The following VSTM4 variants were observed in gnomAD, a reference collection of about 807,000 sequenced individuals.
The protein encoded by VSTM4 is V-set and transmembrane domain containing 4.
VSTM4 carries 20 observed loss-of-function variants against 36.4 expected under a neutral mutation model. The observed-to-expected ratio is 0.55, with a 90% CI of 0.39 to 0.80. The LOEUF (loss-of-function observed/expected upper bound fraction) is 0.80, where lower values mean the gene tolerates loss of function less well. VSTM4 is among the 30% of genes least tolerant of loss of function. The pLI is 0.00. For missense variants in VSTM4, 392 were observed against 404.5 expected (o/e 0.97, Z 0.26); for synonymous variants, 182 against 173.9 (o/e 1.05, Z -0.37).
At chr10:49,093,195 G>A (rs1844509577) in intron 2 of VSTM4, among the ~76,000 whole-genome samples, 1 of 152,150 alleles carries the variant, frequency 6.6e-6, no homozygotes, top group African/African-American at 2.4e-5. Flanking sequence ...AAATAAGAGA[G>A]CACCCCATAA....
chr10:49,029,174 A>C (rs1193037146), intron 7 of VSTM4, among the ~76,000 whole-genome samples: 1 of 152,234 alleles, frequency 6.6e-6, no homozygotes, highest in Admixed American at 6.5e-5. Context: ...TGTGAAGCTT[A>C]TCAGTCCTAC....
At chr10:49,103,843 C>G in intron 2 of VSTM4, 2 of 1,614,022 alleles carry the variant, frequency 1.2e-6, no homozygotes, top group Non-Finnish European at 1.7e-6. Context: ...CCCCTCTCCA[C>G]TGGATGGCTG....
intron 2 of VSTM4, among the ~76,000 whole-genome samples, chr10:49,095,777 T>C (rs1844560008): frequency 6.6e-6 from 1 of 151,222 alleles, no homozygotes; most frequent in Non-Finnish European, 1.5e-5. Context: ...CCATAACGTC[T>C]ATTAAATCTA....
At chr10:49,020,418 A>G (rs1265996238) in intron 7 of VSTM4, among the ~76,000 whole-genome samples, 1 of 152,140 alleles carries the variant, frequency 6.6e-6, no homozygotes, top group African/African-American at 2.4e-5. Context: ...AACTTCATAG[A>G]AATAAACCCA....
chr10:49,039,901 CA>C (rs1843493487), intron 7 of VSTM4, among the ~76,000 whole-genome samples: 1 of 152,198 alleles, frequency 6.6e-6, no homozygotes, highest in African/African-American at 2.4e-5. Context: ...AAAAATAAAT[CA>C]AATGTACTTC....
At chr10:49,049,451 C>T (rs556785648) in intron 5 of VSTM4, among the ~76,000 whole-genome samples, 2 of 152,296 alleles carry the variant, frequency 1.3e-5, no homozygotes, top group African/African-American at 2.4e-5. Context: ...CGCAAACTTT[C>T]TTGAATGACC....
At position 49,019,417 on chromosome 10, in the gene VSTM4, G is replaced by A. The variant is rs1469654391; in HGVS notation, c.*233C>T. 1.0e-5 allele frequency: 4 copies of A among 388,314 alleles called. No individual in the cohort carries two copies. The highest frequency in any genetic ancestry group is 1.7e-5 in the Non-Finnish European group (4 of 235,214). 24.1% of individuals were successfully genotyped at this position (388,314 alleles called of 1,614,324 possible). A position where few individuals can be genotyped will look rare whatever the true frequency, so the allele number is the denominator to read the frequency against. On this transcript the variant is annotated 3_prime_UTR_variant, in exon 8 of 8. Coordinates refer to ENST00000332853, the MANE Select transcript of VSTM4 (RefSeq NM_001031746.5). ...TCAGGATCAGAATCCTTACGCTCAG[G>A]GCTCAAACCCAGGCGCATCTTGTCC...
intron 3 of VSTM4, among the ~76,000 whole-genome samples, chr10:49,084,347 T>C (rs1194640649): frequency 1.3e-5 from 2 of 152,224 alleles, no homozygotes; most frequent in Admixed American, 1.3e-4. Context: ...TGGATTCTCA[T>C]GAGTGCAATC....
At chr10:49,076,458 G>A (rs1844180123) in intron 4 of VSTM4, among the ~76,000 whole-genome samples, 2 of 152,304 alleles carry the variant, frequency 1.3e-5, no homozygotes, top group South Asian at 4.1e-4. Flanking sequence ...CATTTCCAGA[G>A]CTCGGCTCTT....
chr10:49,094,023 A>C (rs1844526864), intron 2 of VSTM4, among the ~76,000 whole-genome samples: 1 of 152,202 alleles, frequency 6.6e-6, no homozygotes, highest in Non-Finnish European at 1.5e-5. Flanking sequence ...CTGGGATTAC[A>C]GGCGTTAGCC....
In VSTM4 at chr10:49,019,469, C is replaced by A; in HGVS notation, c.*181G>T. On this transcript the variant is annotated 3_prime_UTR_variant, in exon 8 of 8. Transcript: ENST00000332853. The stretch of plus-strand genomic sequence containing the variant: ...GGGAGATCTGTCAAGAGCTGTGGCC[C>A]CGATTCTTTTGGGGAGAGCAGGCTT... 1.4e-6 allele frequency: 1 copy of A among 731,392 alleles called. No homozygotes were observed. Among genetic ancestry groups the A allele is most frequent in the South Asian group, 5.0e-5 (1 of 19,954 alleles). The allele number at this position is 731,392 out of a possible 1,614,324, so 45.3% of individuals were successfully genotyped here.
At chr10:49,072,409 C>A (rs1844095567) in intron 4 of VSTM4, among the ~76,000 whole-genome samples, 1 of 152,154 alleles carries the variant, frequency 6.6e-6, no homozygotes. Flanking sequence ...CGCAGTTATG[C>A]CCCAGCCACC....
chr10:49,047,017 G>A lies in VSTM4; in HGVS notation c.803C>T (p.Pro268Leu), dbSNP rs746887862. 19 of 1,613,990 alleles carry A rather than the reference G, an allele frequency of 1.2e-5. No homozygotes were observed. Among genetic ancestry groups the A allele is most frequent in the Admixed American group, 3.3e-5 (2 of 60,008 alleles). Reference sequence around the variant, plus strand: ...TTTTCTCTGTGGTTTCAGCAGCTTCGGTTTATGGAACGTGGGGGCTATCGG... The same window carrying A: ...TTTTCTCTGTGGTTTCAGCAGCTTCAGTTTATGGAACGTGGGGGCTATCGG... The part of the protein sequence containing the change: ...KAPIAPTFHK[P>L]KLLKPQRKVT... Residue 268 changes from proline to leucine, a missense_variant, in exon 7 of 8, where the codon CCG (proline) becomes CTG (leucine). Pro to Leu is a moderately conservative substitution (Grantham distance 98). Coordinates refer to ENST00000332853, the MANE Select transcript of VSTM4 (RefSeq NM_001031746.5).
chr10:49,035,439 A>T (rs1023028289), intron 7 of VSTM4, among the ~76,000 whole-genome samples: 1 of 152,170 alleles, frequency 6.6e-6, no homozygotes, highest in Non-Finnish European at 1.5e-5. Context: ...CCCTTCTAGA[A>T]CAAAGTGGGG....
intron 2 of VSTM4, among the ~76,000 whole-genome samples, chr10:49,104,189 C>T (rs573158198): frequency 6.6e-6 from 1 of 152,254 alleles, no homozygotes; most frequent in Admixed American, 6.5e-5. Context: ...ATCCCAGCTA[C>T]TCAGGAGACT....
intron 2 of VSTM4, among the ~76,000 whole-genome samples, chr10:49,096,841 C>T (rs1564593345): frequency 6.6e-6 from 1 of 151,914 alleles, no homozygotes. Flanking sequence ...TTTTAGTAGA[C>T]ACGGGGTTTC....
In VSTM4 at chr10:49,015,810, C is replaced by T. The variant is rs1038363901; in HGVS notation, c.*3840G>A. ...GCTTTAGGCTGACACAAAAAGACTC[C>T]CTCCAGCATGCAAGTGGCATGGCTC... On this transcript the variant is annotated 3_prime_UTR_variant, in exon 8 of 8. Coordinates refer to ENST00000332853, the MANE Select transcript of VSTM4 (RefSeq NM_001031746.5). 3 of 152,252 alleles carry T rather than the reference C, an allele frequency of 2.0e-5. No individual in the cohort carries two copies. Among genetic ancestry groups the T allele is most frequent in the Non-Finnish European group, 2.9e-5 (2 of 68,068 alleles). The allele number at this position is 152,252 out of a possible 1,614,324, so 9.4% of individuals were successfully genotyped here. A position where few individuals can be genotyped will look rare whatever the true frequency, so the allele number is the denominator to read the frequency against.
At chr10:49,086,723 T>C (rs1249286415) in intron 2 of VSTM4, among the ~76,000 whole-genome samples, 2 of 152,240 alleles carry the variant, frequency 1.3e-5, no homozygotes, top group African/African-American at 2.4e-5. Context: ...AATGAGATTA[T>C]TGTTCAATAG....
intron 7 of VSTM4, among the ~76,000 whole-genome samples, chr10:49,039,854 T>C (rs996335383): frequency 5.9e-5 from 9 of 152,262 alleles, no homozygotes; most frequent in African/African-American, 1.7e-4. Flanking sequence ...AAAGTTCCGC[T>C]ACTTGGCCTC....
Sources: allele counts gnomAD v4.1 joint callset (sites outside exome capture counted in the v4.1 genomes callset), GRCh38; gene constraint gnomAD v4.1.1; transcripts MANE v1.5; gene names NCBI Gene and HGNC (gene_info 2026-07-23, HGNC 2026-07-21).